Variants in OSBPL5 observed in about 807,000 individuals in gnomAD.
OSBPL5 encodes oxysterol binding protein like 5.
OSBPL5 carries 71 observed loss-of-function variants against 111.2 expected under a neutral mutation model. That is an observed-to-expected ratio of 0.64 (90% CI 0.53 to 0.78). The LOEUF (loss-of-function observed/expected upper bound fraction) is 0.78. Ranked by LOEUF, OSBPL5 falls within the 30% of genes least tolerant of loss-of-function variation. OSBPL5 has a pLI of 0.00. For synonymous variants in OSBPL5, 549 were observed against 513.9 expected, an observed-to-expected ratio of 1.07 and a Z score of -0.93; for missense variants, 1,210 against 1,189.3, an observed-to-expected ratio of 1.02 and a Z score of -0.26.
intron 10 of OSBPL5, among the ~76,000 whole-genome samples, chr11:3,103,803 G>A (rs111823525): frequency 0.059 from 2,518 of 42,574 alleles, 81 homozygotes; most frequent in South Asian, 0.11. Flanking sequence ...TGCCTCTGCA[G>A]CCCTCTTCCT....
At position 3,154,860 on chromosome 11, in the gene OSBPL5, A is replaced by G. The variant is rs2134551375; in HGVS notation, c.-22+10356T>C. The stretch of plus-strand genomic sequence containing the variant: ...CGGCACACCAACATGGCACATGTAT[A>G]CATATGTAACAAACCTGCACGTTGT... On this transcript the variant is annotated intron_variant, in intron 1 of 21. Coordinates refer to ENST00000263650, the MANE Select transcript of OSBPL5 (RefSeq NM_020896.4). The surrounding 1 kb of genome is among the most constrained non-coding windows in gnomAD (Gnocchi z 4.9). Among the ~76,000 whole-genome samples, 1 of 152,318 alleles carries G rather than the reference A, an allele frequency of 6.6e-6. No homozygotes were observed. Among genetic ancestry groups the G allele is most frequent in the South Asian group, 2.1e-4 (1 of 4,824 alleles).
rs899731284 is a variant in OSBPL5 at position 3,123,820 on chromosome 11, G to C, written c.220-1392C>G. 1.3e-5 allele frequency among the ~76,000 whole-genome samples: 2 copies of C among 152,236 alleles called. 1 individual carries two copies. Among genetic ancestry groups the C allele is most frequent in the Non-Finnish European group, 2.9e-5 (2 of 68,052 alleles). On this transcript the variant is annotated intron_variant, in intron 3 of 21. Coordinates refer to ENST00000263650, the MANE Select transcript of OSBPL5 (RefSeq NM_020896.4). The stretch of plus-strand genomic sequence containing the variant: ...TCCAGCCATGCATAAGGTGGGGCCG[G>C]TTATTGTCCCTATTTTATTTCTGTG...
chr11:3,163,354 TG>T, intron 1 of OSBPL5, among the ~76,000 whole-genome samples: 1 of 152,162 alleles, frequency 6.6e-6, no homozygotes, highest in Non-Finnish European at 1.5e-5. Context: ...AAAACACAGC[TG>T]GCAGAGACAC....
At chr11:3,138,458 G>A (rs754837802) in intron 1 of OSBPL5, among the ~76,000 whole-genome samples, 2 of 152,208 alleles carry the variant, frequency 1.3e-5, no homozygotes, top group South Asian at 2.1e-4. Context: ...AGTGGGGGCC[G>A]TCACTTGGAG....
intron 1 of OSBPL5, among the ~76,000 whole-genome samples, chr11:3,136,693 G>A (rs967653092): frequency 7.2e-5 from 11 of 152,296 alleles, no homozygotes; most frequent in Admixed American, 2.6e-4. Context: ...TGGGGAAGGC[G>A]CCTGCAGAGG....
intron 7 of OSBPL5, 32 bp downstream of exon 7, chr11:3,119,515 C>T: frequency 6.4e-7 from 1 of 1,555,766 alleles, no homozygotes; most frequent in Non-Finnish European, 8.6e-7. Context: ...GGTGGGGGCA[C>T]TGGGGAGATG....
rs1017050531 is a variant in OSBPL5 at position 3,106,440 on chromosome 11, C to G, written c.1059+823G>C. Among the ~76,000 whole-genome samples the G allele has an allele frequency of 6.6e-6, 1 of 151,896 alleles. No homozygotes were observed. The highest frequency in any genetic ancestry group is 1.5e-5 in the Non-Finnish European group (1 of 67,916). On this transcript the variant is annotated intron_variant, in intron 9 of 21. Transcript: ENST00000263650. This position sits in a 1 kb window ranked among gnomAD's most constrained non-coding sequence, Gnocchi z 8.4. ...AGCCCCCACCCCAGAGCCCGGCTTCCTCAGCCTGCACCCGTCACCCAGCGG... is the reference window on the plus strand; with the variant it reads ...AGCCCCCACCCCAGAGCCCGGCTTCGTCAGCCTGCACCCGTCACCCAGCGG...
intron 12 of OSBPL5, among the ~76,000 whole-genome samples, 158 bp from the exon 13 acceptor site, chr11:3,101,857 C>T (rs543246489): frequency 1.5e-3 from 225 of 152,304 alleles, no homozygotes; most frequent in African/African-American, 5.1e-3. Context: ...CTCTCGCTTA[C>T]GACGCCCAGG....
chr11:3,141,477 G>C lies in OSBPL5; in HGVS notation c.-21-12308C>G, dbSNP rs1377864696. On this transcript the variant is annotated intron_variant, in intron 1 of 21. Coordinates refer to ENST00000263650, the MANE Select transcript of OSBPL5 (RefSeq NM_020896.4). This position sits in a 1 kb window ranked among gnomAD's most constrained non-coding sequence, Gnocchi z 6.5. ...CAATCTGTCTCTCAGGAAATGGGGG[G>C]GGTCTCAAACAGAAGGACCCCCAAT... Among the ~76,000 whole-genome samples the C allele has an allele frequency of 6.6e-6, 1 of 152,144 alleles. No individual in the cohort carries two copies.
rs112565366 is a variant in OSBPL5, at chr11:3,103,678, GT to G, written c.1245-359del. Among the ~76,000 whole-genome samples, 241 of 134,694 alleles carry G rather than the reference GT, an allele frequency of 1.8e-3. 1 individual carries two copies. Among genetic ancestry groups the G allele is most frequent in the African/African-American group, 3.4e-3 (115 of 33,606 alleles). The allele number at this position is 134,694 out of a possible 152,430, so 88.4% of individuals were successfully genotyped here. On this transcript the variant is annotated intron_variant, in intron 10 of 21. Transcript: ENST00000263650. ...TTCCTGCCTCTGTTGCCCCCTTCCA[GT>G]CTCTGCAGCCCCCTTCCAGCCTGCG...
intron 1 of OSBPL5, among the ~76,000 whole-genome samples, chr11:3,160,224 C>G (rs1846914161): frequency 6.6e-6 from 1 of 152,202 alleles, no homozygotes; most frequent in Non-Finnish European, 1.5e-5. Context: ...AGCGTCGGGG[C>G]TCCTCTCCCT....
At position 3,146,904 on chromosome 11, in the gene OSBPL5, T is replaced by G. The variant is rs1279271528; in HGVS notation, c.-21-17735A>C. Among the ~76,000 whole-genome samples, 2 of 152,052 alleles carry G rather than the reference T, an allele frequency of 1.3e-5. No individual in the cohort carries two copies. The highest frequency in any genetic ancestry group is 2.9e-5 in the Non-Finnish European group (2 of 67,994). ...CACGCCCCTTCCCAGCACACCCAGC[T>G]CTGGTCTTCACGAGGGGCTGGGATT... On this transcript the variant is annotated intron_variant, in intron 1 of 21. Transcript: ENST00000263650. The surrounding 1 kb of genome is among the most constrained non-coding windows in gnomAD (Gnocchi z 7.8).
chr11:3,108,202 G>A (rs1857780787), intron 7 of OSBPL5, among the ~76,000 whole-genome samples: 1 of 152,142 alleles, frequency 6.6e-6, no homozygotes, highest in East Asian at 1.9e-4. Flanking sequence ...CCCGGCCTGG[G>A]GACAGGTGTG....
intron 1 of OSBPL5, among the ~76,000 whole-genome samples, chr11:3,156,881 G>A (rs4262708): frequency 0.62 from 94,088 of 151,992 alleles, 29,848 homozygotes; most frequent in African/African-American, 0.72. Flanking sequence ...TTTCACAGAC[G>A]AGGAAACTAA....
Position 3,121,451 on chromosome 11 carries a change from C to A in OSBPL5, c.402+546G>T, listed in dbSNP as rs921760179. Among the ~76,000 whole-genome samples the A allele has an allele frequency of 1.3e-5, 2 of 152,022 alleles. No individual in the cohort carries two copies. Among genetic ancestry groups the A allele is most frequent in the African/African-American group, 2.4e-5 (1 of 41,392 alleles). ...ACTTTTGATTCATCATTTTGGTATG[C>A]GGGTAGAAGGAGCCTACATGGGCCT... On this transcript the variant is annotated intron_variant, in intron 5 of 21. Transcript: ENST00000263650. The surrounding 1 kb of genome is among the most constrained non-coding windows in gnomAD (Gnocchi z 4.3).
rs2412134 is a variant in OSBPL5, at chr11:3,090,552, G to A, written c.2398+6C>T. 0.11 allele frequency: 180,697 copies of A among 1,611,624 alleles called. 11,000 individuals are homozygous for A. The highest frequency in any genetic ancestry group is 0.17 in the Admixed American group (10,374 of 59,992). On this transcript the variant is annotated splice_donor_region_variant and intron_variant, in intron 20 of 21. Transcript: ENST00000263650. The stretch of plus-strand genomic sequence containing the variant: ...AGGCCTTGGGGCTGGGCCCAAGGGG[G>A]CTCACCAGGGACAAAGTCACCATCC...
At chr11:3,151,641 T>C (rs913608880) in intron 1 of OSBPL5, among the ~76,000 whole-genome samples, 2 of 152,218 alleles carry the variant, frequency 1.3e-5, no homozygotes, top group African/African-American at 2.4e-5. Flanking sequence ...AAAAAACGGT[T>C]CTTACACCCC....
chr11:3,090,780 A>G, intron 19 of OSBPL5, 84 bp from the exon 20 acceptor site: 1 of 1,490,068 alleles, frequency 6.7e-7, no homozygotes, highest in Non-Finnish European at 9.0e-7. Flanking sequence ...TGCTTATGCC[A>G]GGACAGTGCT....
rs1222088359 is a variant in OSBPL5 at position 3,104,789 on chromosome 11, G to C, written c.1060-412C>G. 6.6e-6 allele frequency among the ~76,000 whole-genome samples: 1 copy of C among 152,128 alleles called. No individual in the cohort carries two copies. The highest frequency in any genetic ancestry group is 1.5e-5 in the Non-Finnish European group (1 of 68,012). On this transcript the variant is annotated intron_variant, in intron 9 of 21. Coordinates refer to ENST00000263650, the MANE Select transcript of OSBPL5 (RefSeq NM_020896.4). The surrounding 1 kb of genome is among the most constrained non-coding windows in gnomAD (Gnocchi z 5.0). The stretch of plus-strand genomic sequence containing the variant: ...GCCAGGGGAGGCAGGGATTTGGCCT[G>C]CTCTTCCATTTTTTAAAAAAGGTTA...
Sources: allele counts gnomAD v4.1 joint callset (sites outside exome capture counted in the v4.1 genomes callset), GRCh38; gene constraint gnomAD v4.1.1; non-coding constraint Gnocchi (gnomAD v3.1); transcripts MANE v1.5; gene names NCBI Gene and HGNC (gene_info 2026-07-23, HGNC 2026-07-21).